Variants in KATNAL2 observed in about 807,000 individuals in gnomAD.
KATNAL2 encodes the protein katanin p60 ATPase-containing subunit A-like 2.
KATNAL2 carries 52 observed loss-of-function variants against 76.3 expected under a neutral mutation model. The ratio of observed to expected loss-of-function variants is 0.68; its 90% CI spans 0.55 to 0.86. The LOEUF is 0.86. KATNAL2 is among the 40% of genes least tolerant of loss of function. KATNAL2 has a pLI of 0.00. For missense variants in KATNAL2, 660 were observed against 668.9 expected (o/e 0.99, Z 0.15); for synonymous variants, 243 against 244.2 (o/e 1.00, Z 0.05).
At chr18:47,069,870 G>A (rs928669032) in intron 13 of KATNAL2, among the ~76,000 whole-genome samples, 1 of 151,838 alleles carries the variant, frequency 6.6e-6, no homozygotes, top group Admixed American at 6.6e-5. Context: ...AAAGCTGGGG[G>A]AAAAAAATCT....
Position 47,081,410 on chromosome 18 carries a change from CATT to C in KATNAL2, c.1211+3953_1211+3955del, listed in dbSNP as rs143647899. 2.8e-3 allele frequency among the ~76,000 whole-genome samples: 419 copies of C among 152,222 alleles called. 2 individuals are homozygous for C. Among genetic ancestry groups the C allele is most frequent in the East Asian group, 0.016 (82 of 5,184 alleles). On this transcript the variant is annotated intron_variant, in intron 15 of 17. Transcript: ENST00000683218. ...TTTATTTAACACAGTATTTTCAAAA[CATT>C]ATTTTAATATCAGTATAAAAATTAG...
At chr18:46,956,957 T>G (rs1247784413) in intron 3 of KATNAL2, among the ~76,000 whole-genome samples, 1 of 148,732 alleles carries the variant, frequency 6.7e-6, no homozygotes, top group Non-Finnish European at 1.5e-5. Context: ...ACAAGAGAAT[T>G]GGTTGAACCT....
intron 14 of KATNAL2, among the ~76,000 whole-genome samples, chr18:47,075,921 G>A (rs2289132): frequency 0.068 from 10,341 of 152,262 alleles, 427 homozygotes; most frequent in East Asian, 0.12. Flanking sequence ...ATCCTCAGCA[G>A]GCAGGAACAC....
intron 15 of KATNAL2, chr18:47,084,525 TC>T (rs1313693220): frequency 6.3e-6 from 4 of 634,612 alleles, no homozygotes; most frequent in Non-Finnish European, 1.1e-5. Flanking sequence ...TCAACTGGTT[TC>T]CCCCAGCAGG....
At chr18:47,040,563 T>A (rs916270852) in intron 3 of KATNAL2, among the ~76,000 whole-genome samples, 3 of 152,186 alleles carry the variant, frequency 2.0e-5, no homozygotes, top group African/African-American at 7.2e-5. Context: ...ATTTAATGCC[T>A]TGGAAAAATA....
chr18:46,935,625 A>G (rs1201927053), intron 1 of KATNAL2, among the ~76,000 whole-genome samples: 1 of 151,174 alleles, frequency 6.6e-6, no homozygotes, highest in Non-Finnish European at 1.5e-5. Context: ...ATTGAAAAAG[A>G]AAAAAAAAGA....
rs538195277 is a variant in KATNAL2, at chr18:47,032,931, G to A, written c.52-13526G>A. Reference sequence around the variant, plus strand: ...GGTTCTGGTGTCCATTGGAAGTTTCGTTCCCCAACCCGCATTGACTTTGCC... The same window carrying A: ...GGTTCTGGTGTCCATTGGAAGTTTCATTCCCCAACCCGCATTGACTTTGCC... On this transcript the variant is annotated intron_variant, in intron 3 of 17. Transcript: ENST00000683218. The A allele has an allele frequency of 5.6e-6, 9 of 1,610,458 alleles. No individual in the cohort carries two copies. In the Admixed American group the frequency reaches 6.7e-5, roughly 12 times the overall value.
At chr18:46,942,814 T>A (rs550599383) in intron 1 of KATNAL2, among the ~76,000 whole-genome samples, 1 of 151,918 alleles carries the variant, frequency 6.6e-6, no homozygotes, top group Non-Finnish European at 1.5e-5. Flanking sequence ...GGTCACATTA[T>A]TCTGCTTTTG....
intron 3 of KATNAL2, among the ~76,000 whole-genome samples, chr18:47,037,818 AG>A (rs2146991174): frequency 6.6e-6 from 1 of 152,094 alleles, no homozygotes; most frequent in Non-Finnish European, 1.5e-5. Context: ...CACAAGTAAA[AG>A]CTGCTTCACA....
chr18:47,094,865 G>A (rs1292016990), intron 15 of KATNAL2, among the ~76,000 whole-genome samples: 1 of 152,160 alleles, frequency 6.6e-6, no homozygotes, highest in Non-Finnish European at 1.5e-5. Context: ...CAAGGTATGG[G>A]AGAGGCAGTT....
chr18:47,084,847 T>TAAAAAAA (rs34034453), intron 15 of KATNAL2, among the ~76,000 whole-genome samples: 2,505 of 25,514 alleles, frequency 0.098, 634 homozygotes, highest in Non-Finnish European at 0.12. Flanking sequence ...AGACTCTGTC[T>TAAAAAAA]AAAAAAAAAA....
In KATNAL2 at chr18:46,946,294, TGGA is replaced by T. The variant is rs2059379723; in HGVS notation, c.-267_-265del. The T allele has an allele frequency of 1.7e-5, 18 of 1,063,448 alleles. No homozygotes were observed. The highest frequency in any genetic ancestry group is 2.8e-5 in the South Asian group (1 of 35,092). The allele number at this position is 1,063,448 out of a possible 1,614,324, so 65.9% of individuals were successfully genotyped here. A position where few individuals can be genotyped will look rare whatever the true frequency, so the allele number is the denominator to read the frequency against. ...AGAACAGGTCTGATGTGAAAGGAAT[TGGA>T]GGAGAAGGGGAAGTTTGGTGATGCA... is the stretch of plus-strand genomic sequence containing the variant. On this transcript the variant is annotated 5_prime_UTR_variant, in exon 2 of 18. Coordinates refer to ENST00000683218, the MANE Select transcript of KATNAL2 (RefSeq NM_001387690.1).
chr18:47,067,818 G>A (rs2061860091), intron 11 of KATNAL2, among the ~76,000 whole-genome samples: 1 of 152,178 alleles, frequency 6.6e-6, no homozygotes, highest in Admixed American at 6.5e-5. Context: ...GTTGGAGCTG[G>A]GCTCAGCTGG....
chr18:47,066,942 G>A (rs1295590251), intron 10 of KATNAL2, 79 bp from the exon 11 acceptor site: 1 of 531,336 alleles, frequency 1.9e-6, no homozygotes, highest in East Asian at 4.0e-5. Context: ...TGTAAGTCAA[G>A]TATTCTGCTG....
At chr18:47,089,435 T>G (rs2147350994) in intron 15 of KATNAL2, among the ~76,000 whole-genome samples, 2 of 152,342 alleles carry the variant, frequency 1.3e-5, no homozygotes, top group East Asian at 3.9e-4. Flanking sequence ...TTGTTGATAC[T>G]GTAGCAATTA....
intron 3 of KATNAL2, among the ~76,000 whole-genome samples, chr18:46,951,929 A>G (rs1206182419): frequency 1.3e-5 from 2 of 152,048 alleles, no homozygotes; most frequent in Non-Finnish European, 2.9e-5. Flanking sequence ...GTGCGCCACC[A>G]TGCCCGGCTA....
intron 3 of KATNAL2, among the ~76,000 whole-genome samples, chr18:47,037,235 T>G (rs2060810159): frequency 6.6e-6 from 1 of 152,202 alleles, no homozygotes; most frequent in South Asian, 2.1e-4. Context: ...ATCTTCTGGG[T>G]CTAAAACTGG....
chr18:47,031,477 T>G (rs2061056798), intron 3 of KATNAL2, among the ~76,000 whole-genome samples: 1 of 152,064 alleles, frequency 6.6e-6, no homozygotes, highest in African/African-American at 2.4e-5. Flanking sequence ...AGAAAGAAAA[T>G]CATTATGCCC....
intron 3 of KATNAL2, among the ~76,000 whole-genome samples, chr18:46,948,044 A>G (rs1407846371): frequency 1.3e-5 from 2 of 152,092 alleles, no homozygotes; most frequent in Non-Finnish European, 2.9e-5. Context: ...TTAAGCACGA[A>G]CTCTACGTTT....
Sources: allele counts gnomAD v4.1 joint callset (sites outside exome capture counted in the v4.1 genomes callset), GRCh38; gene constraint gnomAD v4.1.1; transcripts MANE v1.5; gene names NCBI Gene and HGNC (gene_info 2026-07-23, HGNC 2026-07-21).